Variants in PRL observed in about 807,000 individuals in gnomAD.
PRL encodes the protein decidual prolactin.
In PRL, 24 loss-of-function variants were observed where a neutral mutation model predicts 21.3. The ratio of observed to expected loss-of-function variants is 1.13; its 90% CI spans 0.82 to 1.59. The LOEUF (loss-of-function observed/expected upper bound fraction) is 1.59. Among genes scored for constraint, PRL ranks in the 40% most tolerant of loss-of-function variants. PRL has a pLI of 0.00. For missense variants in PRL, 243 were observed against 286.9 expected (o/e 0.85, Z 1.10); for synonymous variants, 118 against 115.7 (o/e 1.02, Z -0.13).
chr6:22,290,610 G>T (rs191701975), intron 3 of PRL, among the ~76,000 whole-genome samples: 9 of 152,178 alleles, frequency 5.9e-5, no homozygotes, highest in African/African-American at 1.9e-4. Flanking sequence ...ATAAAATGAA[G>T]AATTTTGTTT....
chr6:22,296,520 G>C (rs1761176572), intron 1 of PRL, among the ~76,000 whole-genome samples: 1 of 152,212 alleles, frequency 6.6e-6, no homozygotes, highest in African/African-American at 2.4e-5. Context: ...CCCTTTGAGA[G>C]TTGTGGCAAA....
chr6:22,295,018 A>G lies in PRL; in HGVS notation c.29-434T>C, dbSNP rs562334239. On this transcript the variant is annotated intron_variant, in intron 1 of 4. Transcript: ENST00000306482. The stretch of plus-strand genomic sequence containing the variant: ...TAATTTACATTGTAGACACTGATAT[A>G]ACAAAAACAGTACAGTCGATCCTTT... Among the ~76,000 whole-genome samples, 133 of 152,244 alleles carry G rather than the reference A, an allele frequency of 8.7e-4. 1 individual carries two copies. Among genetic ancestry groups the G allele is most frequent in the African/African-American group, 3.1e-3 (128 of 41,524 alleles).
intron 2 of PRL, among the ~76,000 whole-genome samples, chr6:22,293,706 AGAAG>A (rs1333803974): frequency 1.5e-5 from 2 of 132,556 alleles, no homozygotes; most frequent in African/African-American, 2.8e-5. Flanking sequence ...AAGGAAGGAA[AGAAG>A]GAAGGAAGGA....
upstream of PRL, among the ~76,000 whole-genome samples, chr6:22,302,498 G>C (rs1165257128): frequency 6.6e-6 from 1 of 152,124 alleles, no homozygotes; most frequent in South Asian, 2.1e-4. Context: ...GGGGAGAAGA[G>C]ATTCCGTTTC....
rs925540322 is a variant in PRL at position 22,290,347 on chromosome 6, C to G, written c.319G>C (p.Asp107His). 4 of 1,585,048 alleles carry G rather than the reference C, an allele frequency of 2.5e-6. No individual in the cohort carries two copies. The highest frequency in any genetic ancestry group is 1.7e-4 in the Middle Eastern group (1 of 5,926). The change falls in exon 4 of 5, where the codon GAC (aspartate) becomes CAC (histidine). Residue 107 changes from aspartate to histidine, a missense_variant. Transcript: ENST00000306482. ...ATGCTGACTATCAGGCTCAGAAAGT[C>G]TTTTTGCTACGAAACCATATAGAAC... ...KEQAQQMNQK[D>H]FLSLIVSILR...
chr6:22,299,931 T>TA (rs893860194), upstream of PRL, among the ~76,000 whole-genome samples: 1 of 152,086 alleles, frequency 6.6e-6, no homozygotes, highest in African/African-American at 2.4e-5. Context: ...AATTAAGAGT[T>TA]AAAAAAATCC....
chr6:22,301,668 C>T (rs1761284111), upstream of PRL, among the ~76,000 whole-genome samples: 1 of 152,178 alleles, frequency 6.6e-6, no homozygotes, highest in African/African-American at 2.4e-5. Context: ...AAATGCTACC[C>T]TTCAAATCCA....
At chr6:22,302,302 A>G (rs1581391875), upstream of PRL, among the ~76,000 whole-genome samples, 1 of 145,824 alleles carries the variant, frequency 6.9e-6, no homozygotes, top group South Asian at 2.3e-4. Context: ...CCAGAACACA[A>G]GACATTCCAT....
chr6:22,300,058 A>G (rs1761254804), upstream of PRL, among the ~76,000 whole-genome samples: 1 of 152,212 alleles, frequency 6.6e-6, no homozygotes, highest in Non-Finnish European at 1.5e-5. Flanking sequence ...AATTCTGAAT[A>G]GTCGTCTTCT....
At chr6:22,296,595 A>G (rs953744047) in intron 1 of PRL, among the ~76,000 whole-genome samples, 14 of 152,202 alleles carry the variant, frequency 9.2e-5, no homozygotes, top group African/African-American at 3.4e-4. Flanking sequence ...TATTATTGGC[A>G]TTTTGAGTTG....
chr6:22,293,337 T>A (rs990406511), intron 2 of PRL, among the ~76,000 whole-genome samples: 10 of 152,044 alleles, frequency 6.6e-5, no homozygotes, highest in African/African-American at 2.4e-4. Context: ...CTTATAAAAG[T>A]CTAAAGAAAT....
intron 4 of PRL, among the ~76,000 whole-genome samples, chr6:22,287,930 T>G (rs1445625266): frequency 6.6e-6 from 1 of 152,166 alleles, no homozygotes; most frequent in Non-Finnish European, 1.5e-5. Flanking sequence ...GTGCTCTCAC[T>G]TGAGGAACTA....
upstream of PRL, among the ~76,000 whole-genome samples, chr6:22,298,742 C>T (rs1761228701): frequency 6.6e-6 from 1 of 152,166 alleles, no homozygotes; most frequent in Admixed American, 6.5e-5. Flanking sequence ...GAAAGCAGAG[C>T]TGTGTGGCAG....
intron 4 of PRL, among the ~76,000 whole-genome samples, chr6:22,289,088 A>G (rs1760992911): frequency 6.6e-6 from 1 of 152,216 alleles, no homozygotes; most frequent in Non-Finnish European, 1.5e-5. Context: ...GTGGTAGAGA[A>G]AAAAGAACAG....
Position 22,296,997 on chromosome 6 carries a change from C to T in PRL, c.-15G>A, listed in dbSNP as rs528073252. On this transcript the variant is annotated 5_prime_UTR_variant, in exon 1 of 5. Transcript: ENST00000306482. ...TTGATGTTCATGTTCGTGATCGTTG[C>T]AGGAAACACACTTCACCAGAGAAGA... The T allele has an allele frequency of 8.7e-6, 14 of 1,613,874 alleles. No homozygotes were observed. The African/African-American group carries it at 1.3e-4, about 15-fold the overall frequency.
rs912965300 is a variant in PRL at position 22,290,297 on chromosome 6, C to G, written c.369G>C (p.Leu123=). ...VSILRSWNEP[L]YHLVTEVRGM... is the part of the protein sequence containing the mutation. ...CACGTACTTCCGTGACCAGATGATA[C>G]AGAGGCTCATTCCAGGATCGCAATA... The change falls in exon 4 of 5, where the codon CTG becomes CTC. Residue 123 remains leucine (L), a synonymous_variant. Transcript: ENST00000306482. 6.2e-7 allele frequency: 1 copy of G among 1,610,828 alleles called. No individual in the cohort carries two copies. The highest frequency in any genetic ancestry group is 8.5e-7 in the Non-Finnish European group (1 of 1,177,736).
In PRL at chr6:22,292,726, C is replaced by T. The variant is rs181422290; in HGVS notation, c.205-81G>A. On this transcript the variant is annotated intron_variant, in intron 2 of 4. Coordinates refer to ENST00000306482, the MANE Select transcript of PRL (RefSeq NM_000948.6). ...GAATCCATTAGCAGAATACTAATAC[C>T]TTTGGCAGATGTGTAATTTTAAAAA... The T allele has an allele frequency of 1.4e-4, 158 of 1,099,778 alleles. No individual in the cohort carries two copies. In the African/African-American group the frequency reaches 2.3e-3, roughly 16 times the overall value. The allele number at this position is 1,099,778 out of a possible 1,614,324, so 68.1% of individuals were successfully genotyped here.
upstream of PRL, among the ~76,000 whole-genome samples, chr6:22,302,449 T>A (rs1488662186): frequency 1.3e-5 from 2 of 152,080 alleles, no homozygotes; most frequent in East Asian, 3.9e-4. Flanking sequence ...AAATGGCAAA[T>A]CCCAATTAAA....
At position 22,290,266 on chromosome 6, in the gene PRL, G is replaced by C. The variant is rs1201230611; in HGVS notation, c.400C>G (p.Gln134Glu). Reference sequence around the variant, plus strand: ...GATAGGATAGCCTCCGGGGCTTCTTGCATACCACGTACTTCCGTGACCAGA... The same window carrying C: ...GATAGGATAGCCTCCGGGGCTTCTTCCATACCACGTACTTCCGTGACCAGA... ...YHLVTEVRGMQEAPEAILSKA... is the reference protein window; with the variant it reads ...YHLVTEVRGMEEAPEAILSKA... Residue 134 changes from glutamine to glutamate, a missense_variant, in exon 4 of 5, where the codon CAA (glutamine) becomes GAA (glutamate). Gln to Glu is a conservative substitution (Grantham distance 29). Coordinates refer to ENST00000306482, the MANE Select transcript of PRL (RefSeq NM_000948.6). 1 of 1,612,760 alleles carries C rather than the reference G, an allele frequency of 6.2e-7. No individual in the cohort carries two copies. Among genetic ancestry groups the C allele is most frequent in the African/African-American group, 1.3e-5 (1 of 74,898 alleles).
Sources: gnomAD v4.1 joint callset for allele counts (sites outside exome capture counted in the v4.1 genomes callset) on GRCh38, gnomAD v4.1.1 for gene constraint, MANE v1.5 for transcripts, NCBI Gene and HGNC (gene_info 2026-07-23, HGNC 2026-07-21) for gene names.